The following ADGRL4 variants were observed in gnomAD, a reference collection of about 807,000 sequenced individuals.
The protein encoded by ADGRL4 is adhesion G protein-coupled receptor L4, also known as EGF, latrophilin and seven transmembrane domain containing 1.
Under a neutral mutation model 74.8 loss-of-function variants are expected in ADGRL4, and 90 were observed. The ratio of observed to expected loss-of-function variants is 1.20; its 90% confidence interval spans 1.02 to 1.43. The LOEUF (loss-of-function observed/expected upper bound fraction) is 1.43, where lower values mean the gene tolerates loss of function less well. Ranked by LOEUF, ADGRL4 falls within the 40% of genes most tolerant of loss-of-function variation. The probability of loss-of-function intolerance (pLI) is 0.00; values close to 1 mark genes in which losing one functional copy is unlikely to be tolerated. For missense variants in ADGRL4, 881 were observed against 814.3 expected, an observed-to-expected ratio of 1.08 and a Z score of -1.00; for synonymous variants, 311 against 279.2, an observed-to-expected ratio of 1.11 and a Z score of -1.14.
chr1:78,950,611 C>T (rs1368688922), intron 2 of ADGRL4, among the ~76,000 whole-genome samples: 2 of 152,014 alleles, frequency 1.3e-5, no homozygotes, highest in African/African-American at 4.8e-5. Context: ...TGTTACGAGT[C>T]AGTGATTTGG....
chr1:79,002,120 G>A (rs933888011), intron 2 of ADGRL4, among the ~76,000 whole-genome samples: 1 of 151,796 alleles, frequency 6.6e-6, no homozygotes, highest in Admixed American at 6.6e-5. Flanking sequence ...CGTTAATTCC[G>A]CTTATAATGT....
At chr1:78,903,619 A>G (rs1648562477) in intron 12 of ADGRL4, among the ~76,000 whole-genome samples, 1 of 152,158 alleles carries the variant, frequency 6.6e-6, no homozygotes, top group Non-Finnish European at 1.5e-5. Flanking sequence ...TTTCTACTTA[A>G]CAGTGGAAGT....
chr1:78,985,090 A>G (rs1650466684), intron 2 of ADGRL4, among the ~76,000 whole-genome samples: 1 of 151,718 alleles, frequency 6.6e-6, no homozygotes, highest in African/African-American at 2.4e-5. Context: ...GCAATCAACA[A>G]TTATTTCCAT....
chr1:78,928,911 C>A (rs555104218), intron 7 of ADGRL4, among the ~76,000 whole-genome samples: 2 of 151,434 alleles, frequency 1.3e-5, no homozygotes, highest in African/African-American at 4.9e-5. Flanking sequence ...GTTAAATTCC[C>A]ATATCAATTT....
At chr1:78,896,504 C>A (rs1454350603) in intron 12 of ADGRL4, among the ~76,000 whole-genome samples, 1 of 152,050 alleles carries the variant, frequency 6.6e-6, no homozygotes, top group Non-Finnish European at 1.5e-5. Context: ...TTATCTTACT[C>A]TTCTAAGTTA....
intron 4 of ADGRL4, 99 bp downstream of exon 4, chr1:78,939,089 T>C (rs977035854): frequency 5.1e-6 from 7 of 1,360,744 alleles, no homozygotes; most frequent in Non-Finnish European, 6.7e-6. Context: ...TCCCTAAAGT[T>C]TGACTACTGT....
At chr1:78,993,496 T>C (rs192737912) in intron 2 of ADGRL4, among the ~76,000 whole-genome samples, 22 of 152,150 alleles carry the variant, frequency 1.4e-4, no homozygotes, top group Non-Finnish European at 2.8e-4. Context: ...GAATAACACA[T>C]GGAGTAAAAG....
intron 7 of ADGRL4, among the ~76,000 whole-genome samples, chr1:78,935,841 GGGCCGGGCGCGGTGGC>G (rs1649341031): frequency 9.5e-6 from 1 of 105,476 alleles, no homozygotes; most frequent in African/African-American, 3.1e-5. Context: ...TGGATATTCT[GGGCCGGGCGCGGTGGC>G]TCACGCTTGT....
chr1:78,924,641 T>C (rs1453708851), intron 8 of ADGRL4, among the ~76,000 whole-genome samples: 1 of 152,098 alleles, frequency 6.6e-6, no homozygotes, highest in Non-Finnish European at 1.5e-5. Context: ...AAGAGATTTA[T>C]AATTCTGTCA....
intron 2 of ADGRL4, among the ~76,000 whole-genome samples, chr1:78,952,523 G>C (rs1649751856): frequency 6.6e-6 from 1 of 150,968 alleles, no homozygotes; most frequent in Admixed American, 6.6e-5. Flanking sequence ...TACAGGTAAA[G>C]AGATAAGGAG....
At chr1:78,973,309 T>C (rs1650208416) in intron 2 of ADGRL4, among the ~76,000 whole-genome samples, 1 of 152,028 alleles carries the variant, frequency 6.6e-6, no homozygotes, top group South Asian at 2.1e-4. Flanking sequence ...GCTATACTAC[T>C]GTATATAAAG....
At chr1:78,975,130 T>C (rs1019253027) in intron 2 of ADGRL4, among the ~76,000 whole-genome samples, 2 of 152,156 alleles carry the variant, frequency 1.3e-5, no homozygotes, top group African/African-American at 4.8e-5. Context: ...TTCACTTTCC[T>C]ATCTAGTCAT....
chr1:78,986,153 A>G (rs978901459), intron 2 of ADGRL4, among the ~76,000 whole-genome samples: 2 of 151,808 alleles, frequency 1.3e-5, no homozygotes, highest in Non-Finnish European at 2.9e-5. Context: ...AAACCTGCAC[A>G]TGAATCCTTG....
At chr1:78,964,487 AC>A (rs1161901506) in intron 2 of ADGRL4, among the ~76,000 whole-genome samples, 2 of 152,206 alleles carry the variant, frequency 1.3e-5, no homozygotes, top group East Asian at 3.8e-4. Flanking sequence ...TAGCAAGGGC[AC>A]TGTAGGCAGC....
In ADGRL4 at chr1:78,943,768, T is replaced by C. The variant is rs912405578; in HGVS notation, c.325+2506A>G. On this transcript the variant is annotated intron_variant, in intron 3 of 14. Transcript: ENST00000370742. Reference sequence around the variant, plus strand: ...AAATAAAAAGAAATAGCTGCACTGCTTTTCAAAAAAGCTTAATCCTTAAAG... The same window carrying C: ...AAATAAAAAGAAATAGCTGCACTGCCTTTCAAAAAAGCTTAATCCTTAAAG... Among the ~76,000 whole-genome samples, 7 of 152,278 alleles carry C rather than the reference T, an allele frequency of 4.6e-5. 1 individual carries two copies. Among genetic ancestry groups the C allele is most frequent in the South Asian group, 4.1e-4 (2 of 4,828 alleles).
intron 2 of ADGRL4, among the ~76,000 whole-genome samples, chr1:78,950,091 C>A (rs1250933799): frequency 6.6e-6 from 1 of 151,912 alleles, no homozygotes. Context: ...ACAGTGGCAA[C>A]TGGAAGAAAA....
intron 2 of ADGRL4, among the ~76,000 whole-genome samples, chr1:78,995,117 A>G (rs1293151232): frequency 6.6e-6 from 1 of 152,196 alleles, no homozygotes; most frequent in Non-Finnish European, 1.5e-5. Flanking sequence ...TCTCAATCAC[A>G]CATCACAGTG....
intron 2 of ADGRL4, among the ~76,000 whole-genome samples, chr1:78,980,824 T>G (rs1161105722): frequency 6.6e-6 from 1 of 151,940 alleles, no homozygotes; most frequent in African/African-American, 2.4e-5. Flanking sequence ...CAACTTCTCT[T>G]TGTAACTGAT....
intron 2 of ADGRL4, among the ~76,000 whole-genome samples, chr1:78,973,414 A>G (rs753654520): frequency 5.9e-5 from 9 of 151,790 alleles, no homozygotes; most frequent in Non-Finnish European, 1.0e-4. Context: ...ACATAAGCAT[A>G]TGTAGTTTTA....
Sources: allele counts gnomAD v4.1 joint callset (sites outside exome capture counted in the v4.1 genomes callset), GRCh38; gene constraint gnomAD v4.1.1; transcripts MANE v1.5; gene names NCBI Gene and HGNC (gene_info 2026-07-23, HGNC 2026-07-21).